The following PJA1 variants were observed in gnomAD, a reference collection of about 807,000 sequenced individuals.
The protein encoded by PJA1 is E3 ubiquitin-protein ligase Praja-1.
A neutral mutation model predicts 14.1 loss-of-function variants in PJA1; 5 were observed. The ratio of observed to expected loss-of-function variants is 0.35; its 90% CI spans 0.18 to 0.74. The LOEUF (loss-of-function observed/expected upper bound fraction) is 0.74. Among genes scored for constraint, PJA1 ranks in the 30% least tolerant of loss-of-function variants. The pLI is 0.56. For missense variants in PJA1, 394 were observed against 482.6 expected (o/e 0.82, Z 1.72); for synonymous variants, 174 against 190.9 (o/e 0.91, Z 0.73).
At position 69,162,181 on chromosome X, in the gene PJA1, T is replaced by G; in HGVS notation, c.893A>C (p.His298Pro). Residue 298 changes from histidine (H) to proline (P), a missense_variant, in exon 2 of 2, where the codon CAC becomes CCC. Physicochemically the swap from His to Pro is moderately conservative, Grantham distance 77. Around this residue, in one of 2 missense-constraint regions of PJA1, gnomAD observed 378 missense variants for 439.3 expected, o/e 0.86. Coordinates refer to ENST00000374571, the MANE Select transcript of PJA1 (RefSeq NM_001032396.4). The part of the protein sequence containing the change: ...RTMADPDFWT[H>P]SDDYYKYCDE... ...GCAGTATTTGTAGTAATCATCACTG[T>G]GCGTCCAGAAGTCAGGGTCGGCCAT... 3 of 1,211,540 alleles carry G rather than the reference T, an allele frequency of 2.5e-6. No homozygotes were observed. Among genetic ancestry groups the G allele is most frequent in the Non-Finnish European group, 3.4e-6 (3 of 895,477 alleles).
chrX:69,162,386 G>T lies in PJA1; in HGVS notation c.688C>A (p.His230Asn). The T allele has an allele frequency of 8.3e-7, 1 of 1,210,970 alleles. No individual in the cohort carries two copies. The highest frequency in any genetic ancestry group is 1.1e-6 in the Non-Finnish European group (1 of 895,404). The stretch of plus-strand genomic sequence containing the variant: ...GTATCCCTCCACCTGGAAGTACTGT[G>T]TGGCATATCGTCATCATCATCAGTA... Reference protein sequence around the residue: ...FDTDDDDDMPHSTSRWRDTAN... With the variant: ...FDTDDDDDMPNSTSRWRDTAN... Residue 230 changes from histidine (H) to asparagine (N), a missense_variant, in exon 2 of 2, where the codon CAC becomes AAC. His to Asn is a moderately conservative substitution (Grantham distance 68). Around this residue, in one of 2 missense-constraint regions of PJA1, gnomAD observed 378 missense variants for 439.3 expected, o/e 0.86. Transcript: ENST00000374571.
rs775811250 is a variant in PJA1 at position 69,162,383 on chromosome X, T to C, written c.691A>G (p.Ser231Gly). 31 of 1,208,868 alleles carry C rather than the reference T, an allele frequency of 2.6e-5. No individual in the cohort carries two copies. The highest frequency in any genetic ancestry group is 3.5e-5 in the Non-Finnish European group (31 of 895,043). Residue 231 changes from serine (S) to glycine (G), a missense_variant, in exon 2 of 2, where the codon AGT becomes GGT. By Grantham distance (56) the Ser-to-Gly change is moderately conservative. This residue lies in a region of PJA1 where 378 missense variants were observed against 439.3 expected (regional missense o/e 0.86). Transcript: ENST00000374571. The stretch of plus-strand genomic sequence containing the variant: ...GCGGTATCCCTCCACCTGGAAGTAC[T>C]GTGTGGCATATCGTCATCATCATCA... ...DTDDDDDMPH[S>G]TSRWRDTAND...
chrX:69,161,145 T>A lies in PJA1; in HGVS notation c.*162A>T. The A allele has an allele frequency of 1.2e-6, 1 of 813,920 alleles. No homozygotes were observed. The highest frequency in any genetic ancestry group is 1.6e-6 in the Non-Finnish European group (1 of 608,982). 67.1% of individuals were successfully genotyped at this position (813,920 alleles called of 1,213,427 possible). ...GATGATATGATTTTTAATGCAATCATACACAACTGTTTTCACATTGGAAAT... is the reference window on the plus strand; with the variant it reads ...GATGATATGATTTTTAATGCAATCAAACACAACTGTTTTCACATTGGAAAT... On this transcript the variant is annotated 3_prime_UTR_variant, in exon 2 of 2. Transcript: ENST00000374571.
At chrX:69,164,251 T>C (rs997055670) in intron 1 of PJA1, among the ~76,000 whole-genome samples, 43 of 108,110 alleles carry the variant, frequency 4.0e-4, no homozygotes, top group African/African-American at 1.4e-3. Context: ...GGGAGGCAGG[T>C]TGTGTCCCCG....
In PJA1 at chrX:69,162,537, G is replaced by A; in HGVS notation, c.537C>T (p.Ser179=). ...CACCACAAATACTCACAGGAGCCCT[G>A]CTGGGACGTGCAGGTAAATTTTGCT... ...RREQNLPARP[S]RAPVSICGGG... The change falls in exon 2 of 2, where the codon AGC becomes AGT. Residue 179 remains serine (S), a synonymous_variant. Transcript: ENST00000374571. 1 of 1,211,611 alleles carries A rather than the reference G, an allele frequency of 8.3e-7. No individual in the cohort carries two copies. Among genetic ancestry groups the A allele is most frequent in the Non-Finnish European group, 1.1e-6 (1 of 895,524 alleles).
At chrX:69,163,257 T>C (rs1412728419) in intron 1 of PJA1, 117 bp from the exon 2 acceptor site, 11 of 1,188,899 alleles carry the variant, frequency 9.3e-6, no homozygotes, top group Non-Finnish European at 1.2e-5. Flanking sequence ...CTTAGGAGGG[T>C]TTCCAATACA....
rs752399855 is a variant in PJA1, at chrX:69,162,434, C to T, written c.640G>A (p.Val214Met). 72 of 1,209,372 alleles carry T rather than the reference C, an allele frequency of 6.0e-5. No individual in the cohort carries two copies. Among genetic ancestry groups the T allele is most frequent in the Non-Finnish European group, 7.5e-5 (67 of 895,196 alleles). ...KIRNLASPNC[V>M]KPKIFFDTDD... The stretch of plus-strand genomic sequence containing the variant: ...GTATCAAAAAAAATTTTTGGTTTCA[C>T]GCAGTTTGGACTTGCCAGGTTTCTG... The change falls in exon 2 of 2, where the codon GTG becomes ATG. Residue 214 changes from valine to methionine, a missense_variant. By Grantham distance (21) the Val-to-Met change is conservative (BLOSUM62 1). Around this residue, in one of 2 missense-constraint regions of PJA1, gnomAD observed 378 missense variants for 439.3 expected, o/e 0.86. Transcript: ENST00000374571.
At position 69,161,107 on chromosome X, in the gene PJA1, C is replaced by G; in HGVS notation, c.*200G>C. ...TTTAGAAAGTTTAGTTTTCCCTTTT[C>G]TAACCTCTAAAAGATGATATGATTT... On this transcript the variant is annotated 3_prime_UTR_variant, in exon 2 of 2. Transcript: ENST00000374571. The G allele has an allele frequency of 1.6e-6, 1 of 607,748 alleles. No individual in the cohort carries two copies. Among genetic ancestry groups the G allele is most frequent in the Non-Finnish European group, 2.3e-6 (1 of 440,516 alleles). 50.1% of individuals were successfully genotyped at this position (607,748 alleles called of 1,213,427 possible).
rs1047011687 is a variant in PJA1 at position 69,160,987 on chromosome X, G to A, written c.*320C>T. 2.2e-5 allele frequency: 5 copies of A among 224,585 alleles called. No homozygotes were observed. The highest frequency in any genetic ancestry group is 4.0e-5 in the Non-Finnish European group (5 of 126,275). The allele number at this position is 224,585 out of a possible 1,213,427, so 18.5% of individuals were successfully genotyped here. On this transcript the variant is annotated 3_prime_UTR_variant, in exon 2 of 2. Transcript: ENST00000374571. Reference sequence around the variant, plus strand: ...TTAACAGATAAACTTGACATTACAAGTAACAGCAACACATTCCCATTCTAC... The same window carrying A: ...TTAACAGATAAACTTGACATTACAAATAACAGCAACACATTCCCATTCTAC...
Position 69,161,432 on chromosome X carries a change from C to T in PJA1, c.1642G>A (p.Val548Met), listed in dbSNP as rs184434118. ...AGCTCAGTTGCCACCTCCCCCTTCA[C>T]ATATTCGCTACAGCAGATGGGGCAG... ...MCCPICCSEY[V>M]KGEVATELPC... Residue 548 changes from valine to methionine, a missense_variant, in exon 2 of 2, where the codon GTG (valine) becomes ATG (methionine). Around this residue, in one of 2 missense-constraint regions of PJA1, gnomAD observed 16 missense variants for 43.3 expected, o/e 0.37. Transcript: ENST00000374571. 2 of 1,209,886 alleles carry T rather than the reference C, an allele frequency of 1.7e-6. No homozygotes were observed. The highest frequency in any genetic ancestry group is 4.4e-5 in the Admixed American group (2 of 45,823).
rs138998270 is a variant in PJA1 at position 69,162,709 on chromosome X, T to G, written c.365A>C (p.Glu122Ala). The G allele has an allele frequency of 1.2e-4, 142 of 1,206,720 alleles. 3 individuals are homozygous for G. The highest frequency in any genetic ancestry group is 6.2e-5 in the Non-Finnish European group (55 of 893,588). ...GACTGGGTCTAACTTGTCTCGCTCCTCTCTCACATCACGGCTAAAACTAGA... is the reference window on the plus strand; with the variant it reads ...GACTGGGTCTAACTTGTCTCGCTCCGCTCTCACATCACGGCTAAAACTAGA... ...HFSSFSRDVR[E>A]ERDKLDPVPA... Residue 122 changes from glutamate to alanine, a missense_variant, in exon 2 of 2, where the codon GAG becomes GCG. This residue lies in a region of PJA1 where 378 missense variants were observed against 439.3 expected (regional missense o/e 0.86). Transcript: ENST00000374571.
In PJA1 at chrX:69,162,985, G is replaced by A. The variant is rs1434296387; in HGVS notation, c.89C>T (p.Ser30Leu). 11 of 1,208,399 alleles carry A rather than the reference G, an allele frequency of 9.1e-6. No homozygotes were observed. Among genetic ancestry groups the A allele is most frequent in the Middle Eastern group, 2.3e-4 (1 of 4,374 alleles). ...ATTATCAATATTCAGGTTGGTTCCCGAACTCTCGCTGTCGTCCCAACTACG... is the reference window on the plus strand; with the variant it reads ...ATTATCAATATTCAGGTTGGTTCCCAAACTCTCGCTGTCGTCCCAACTACG... The part of the protein sequence containing the change: ...TRRSWDDSES[S>L]GTNLNIDNED... The change falls in exon 2 of 2, where the codon TCG (serine) becomes TTG (leucine). Residue 30 changes from serine to leucine, a missense_variant. This residue lies in a region of PJA1 where 378 missense variants were observed against 439.3 expected (regional missense o/e 0.86). Coordinates refer to ENST00000374571, the MANE Select transcript of PJA1 (RefSeq NM_001032396.4).
Position 69,162,082 on chromosome X carries a change from A to G in PJA1, c.992T>C (p.Leu331Pro). 1 of 1,211,348 alleles carries G rather than the reference A, an allele frequency of 8.3e-7. No individual in the cohort carries two copies. The highest frequency in any genetic ancestry group is 1.1e-6 in the Non-Finnish European group (1 of 895,377). Residue 331 changes from leucine to proline, a missense_variant, in exon 2 of 2, where the codon CTG (leucine) becomes CCG (proline). Transcript: ENST00000374571. ...RRKYRSREQT[L>P]SSSGESWETL... is the part of the protein sequence containing the mutation. Reference sequence around the variant, plus strand: ...CTCCCAGCTTTCGCCACTGGAGGACAGGGTTTGCTCTCGGCTTCGATATTT... The same window carrying G: ...CTCCCAGCTTTCGCCACTGGAGGACGGGGTTTGCTCTCGGCTTCGATATTT...
Position 69,162,352 on chromosome X carries a change from T to A in PJA1, c.722A>T (p.Asp241Val), listed in dbSNP as rs751429793. The stretch of plus-strand genomic sequence containing the variant: ...CAGGCCATCCGAGTGGCCCTCATTG[T>A]CATTGGCGGTATCCCTCCACCTGGA... ...STSRWRDTAN[D>V]NEGHSDGLAR... Residue 241 changes from aspartate (D) to valine (V), a missense_variant, in exon 2 of 2, where the codon GAC becomes GTC. This residue lies in a region of PJA1 where 378 missense variants were observed against 439.3 expected (regional missense o/e 0.86). Transcript: ENST00000374571. 7 of 1,208,974 alleles carry A rather than the reference T, an allele frequency of 5.8e-6. No homozygotes were observed. The highest frequency in any genetic ancestry group is 7.8e-6 in the Non-Finnish European group (7 of 895,026).
Position 69,161,226 on chromosome X carries a change from G to A in PJA1, c.*81C>T. On this transcript the variant is annotated 3_prime_UTR_variant, in exon 2 of 2. Coordinates refer to ENST00000374571, the MANE Select transcript of PJA1 (RefSeq NM_001032396.4). ...CTGACTGATTGGTTTTATTTCCATTGTTAATTTCAAGAGGGCTCCTGCAGT... is the reference window on the plus strand; with the variant it reads ...CTGACTGATTGGTTTTATTTCCATTATTAATTTCAAGAGGGCTCCTGCAGT... 1.9e-6 allele frequency: 2 copies of A among 1,080,168 alleles called. No homozygotes were observed. Among genetic ancestry groups the A allele is most frequent in the Non-Finnish European group, 2.4e-6 (2 of 827,402 alleles). 89.0% of individuals were successfully genotyped at this position (1,080,168 alleles called of 1,213,427 possible). A position where few individuals can be genotyped will look rare whatever the true frequency, so the allele number is the denominator to read the frequency against.
chrX:69,163,016 T>C lies in PJA1; in HGVS notation c.58A>G (p.Thr20Ala). ...TKRSRSPFST[T>A]RRSWDDSESS... ...TCGCTGTCGTCCCAACTACGACGAG[T>C]AGTGGAAAATGGCGATCGGCTCCTC... The change falls in exon 2 of 2, where the codon ACT becomes GCT. Residue 20 changes from threonine to alanine, a missense_variant. Thr to Ala is a moderately conservative substitution (Grantham distance 58). Transcript: ENST00000374571. The C allele has an allele frequency of 8.3e-7, 1 of 1,210,456 alleles. No homozygotes were observed. Among genetic ancestry groups the C allele is most frequent in the Non-Finnish European group, 1.1e-6 (1 of 895,239 alleles).
intron 1 of PJA1, among the ~76,000 whole-genome samples, chrX:69,164,646 G>C (rs1402499242): frequency 3.1e-4 from 32 of 103,939 alleles, no homozygotes; most frequent in Non-Finnish European, 9.9e-5. Flanking sequence ...CTGCGCATGC[G>C]CGGGGGAGGG....
Position 69,162,035 on chromosome X carries a change from G to A in PJA1, c.1039C>T (p.Arg347Trp), listed in dbSNP as rs1381632101. ...SWETLPGKEE[R>W]EPPQAKVSAS... ...CTCACCTTAGCCTGTGGAGGTTCCC[G>A]CTCTTCTTTCCCCGGCAGAGTCTCC... Residue 347 changes from arginine to tryptophan, a missense_variant, in exon 2 of 2, where the codon CGG becomes TGG. Physicochemically the swap from Arg to Trp is moderately radical, Grantham distance 101. Transcript: ENST00000374571. The A allele has an allele frequency of 6.6e-6, 8 of 1,208,398 alleles. No individual in the cohort carries two copies. The East Asian group carries it at 8.9e-5, about 13-fold the overall frequency.
Position 69,162,967 on chromosome X carries a change from A to G in PJA1, c.107T>C (p.Ile36Thr). ...ATACCTGGAATAGTCCTCATTATCA[A>G]TATTCAGGTTGGTTCCCGAACTCTC... Reference protein sequence around the residue: ...DSESSGTNLNIDNEDYSRYPP... With the variant: ...DSESSGTNLNTDNEDYSRYPP... Residue 36 changes from isoleucine to threonine, a missense_variant, in exon 2 of 2, where the codon ATT (isoleucine) becomes ACT (threonine). Ile to Thr is a moderately conservative substitution (Grantham distance 89). Transcript: ENST00000374571. 8.3e-7 allele frequency: 1 copy of G among 1,210,368 alleles called. No homozygotes were observed. The highest frequency in any genetic ancestry group is 1.1e-6 in the Non-Finnish European group (1 of 895,292).
Sources: gnomAD v4.1 joint callset for allele counts (sites outside exome capture counted in the v4.1 genomes callset) on GRCh38, gnomAD v4.1.1 for gene constraint, gnomAD v4.1.1 regional missense constraint, MANE v1.5 for transcripts, NCBI Gene and HGNC (gene_info 2026-07-23, HGNC 2026-07-21) for gene names.